Variants in LDB2 observed in about 807,000 individuals in gnomAD.
LDB2 encodes the protein LIM domain binding 2, also known as LIM domain-binding protein 2.
In LDB2, 12 loss-of-function variants were observed where a neutral mutation model predicts 44.3. That is an observed-to-expected ratio of 0.27 (90% confidence interval 0.17 to 0.44). The LOEUF is 0.44. Among genes scored for constraint, LDB2 ranks in the 20% least tolerant of loss-of-function variants. The pLI is 1.00. For synonymous variants in LDB2, 164 were observed against 174.8 expected (o/e 0.94, Z 0.49); for missense variants, 344 against 473.5 (o/e 0.73, Z 2.54).
chr4:16,543,141 A>G (rs1476592855), intron 5 of LDB2, among the ~76,000 whole-genome samples: 1 of 152,010 alleles, frequency 6.6e-6, no homozygotes, highest in Non-Finnish European at 1.5e-5. Context: ...CATGGTGTAT[A>G]TGTGCCACAT....
At chr4:16,541,608 G>C (rs1733806670) in intron 5 of LDB2, among the ~76,000 whole-genome samples, 1 of 152,192 alleles carries the variant, frequency 6.6e-6, no homozygotes, top group Admixed American at 6.5e-5. Flanking sequence ...TCCCAGGTAA[G>C]GGCTGAGCAG....
At chr4:16,780,040 A>T (rs1772828748) in intron 1 of LDB2, among the ~76,000 whole-genome samples, 1 of 152,142 alleles carries the variant, frequency 6.6e-6, no homozygotes, top group African/African-American at 2.4e-5. Flanking sequence ...CATCAAGTAG[A>T]CTTCCCTGTC....
At chr4:16,766,466 ATATGTGTGTGTGTGTGTGTGTGTG>A (rs1769263053) in intron 1 of LDB2, among the ~76,000 whole-genome samples, 2 of 61,202 alleles carry the variant, frequency 3.3e-5, no homozygotes, top group Non-Finnish European at 7.3e-5. Context: ...ACACACACAT[ATATGTGTGTGTGTGTGTGTGTGTG>A]TGTGTGTGTG....
At chr4:16,838,236 C>T (rs1785241238) in intron 1 of LDB2, among the ~76,000 whole-genome samples, 1 of 152,126 alleles carries the variant, frequency 6.6e-6, no homozygotes, top group East Asian at 1.9e-4. Flanking sequence ...AGGTCCTACG[C>T]TAGGAGAGGG....
intron 1 of LDB2, among the ~76,000 whole-genome samples, chr4:16,875,614 A>G (rs996529845): frequency 1.3e-5 from 2 of 152,220 alleles, no homozygotes; most frequent in Non-Finnish European, 2.9e-5. Flanking sequence ...AAGAGTCTCT[A>G]TCTAGAGTTA....
chr4:16,802,299 T>A (rs2109761068), intron 1 of LDB2, among the ~76,000 whole-genome samples: 1 of 152,344 alleles, frequency 6.6e-6, no homozygotes, highest in Admixed American at 6.5e-5. Flanking sequence ...GCTTCTTTGT[T>A]GTTCACCAGC....
intron 1 of LDB2, among the ~76,000 whole-genome samples, chr4:16,862,942 GA>G (rs1713210234): frequency 6.6e-6 from 1 of 152,184 alleles, no homozygotes; most frequent in African/African-American, 2.4e-5. Flanking sequence ...ACGAGGAAAG[GA>G]AAGAGCGTCC....
At chr4:16,799,187 C>T (rs1777307155) in intron 1 of LDB2, among the ~76,000 whole-genome samples, 1 of 152,090 alleles carries the variant, frequency 6.6e-6, no homozygotes, top group Non-Finnish European at 1.5e-5. Flanking sequence ...GCCATCTACG[C>T]AGTTAAGAAA....
At chr4:16,675,323 C>T (rs182824524) in intron 2 of LDB2, among the ~76,000 whole-genome samples, 6 of 152,094 alleles carry the variant, frequency 3.9e-5, no homozygotes, top group East Asian at 1.9e-4. Flanking sequence ...TTATCACATG[C>T]GCACTTATTT....
chr4:16,887,686 A>G (rs992949272), intron 1 of LDB2, among the ~76,000 whole-genome samples: 1 of 150,976 alleles, frequency 6.6e-6, no homozygotes, highest in Admixed American at 6.6e-5. Context: ...CCTAACTCCT[A>G]CCAAAAGGAA....
At chr4:16,618,779 G>A (rs1189720935) in intron 2 of LDB2, among the ~76,000 whole-genome samples, 1 of 152,158 alleles carries the variant, frequency 6.6e-6, no homozygotes, top group African/African-American at 2.4e-5. Context: ...CAAATCTCAT[G>A]TTGAATTGTA....
intron 2 of LDB2, among the ~76,000 whole-genome samples, chr4:16,714,111 T>C (rs1225456854): frequency 2.0e-5 from 3 of 152,204 alleles, no homozygotes; most frequent in African/African-American, 7.2e-5. Context: ...TGGCCTCCTC[T>C]GAGCAGGAAC....
At chr4:16,555,855 C>T (rs537105923) in intron 5 of LDB2, among the ~76,000 whole-genome samples, 154 of 152,316 alleles carry the variant, frequency 1.0e-3, no homozygotes, top group African/African-American at 3.3e-3. Flanking sequence ...CCAACCACTC[C>T]GCCCTCACTC....
chr4:16,849,199 A>T (rs1787695279), intron 1 of LDB2, among the ~76,000 whole-genome samples: 1 of 152,022 alleles, frequency 6.6e-6, no homozygotes, highest in South Asian at 2.1e-4. Flanking sequence ...GTTCTCTCCC[A>T]AGATGCTCAC....
intron 1 of LDB2, chr4:16,888,703 T>G (rs1010405475): frequency 1.0e-6 from 1 of 984,254 alleles, no homozygotes; most frequent in Non-Finnish European, 1.2e-6. Context: ...GAATCCAGAA[T>G]AAGTGTATCG....
At chr4:16,692,693 C>G (rs1421345372) in intron 2 of LDB2, among the ~76,000 whole-genome samples, 1 of 152,082 alleles carries the variant, frequency 6.6e-6, no homozygotes, top group Admixed American at 6.5e-5. Context: ...GCAGGAGAGA[C>G]AGAGCCAGGA....
intron 2 of LDB2, among the ~76,000 whole-genome samples, chr4:16,632,776 G>A (rs1732361447): frequency 1.3e-5 from 2 of 152,052 alleles, no homozygotes; most frequent in South Asian, 4.2e-4. Flanking sequence ...CATTCAAAAA[G>A]TCAGGAAACA....
chr4:16,804,119 A>G (rs1778344525), intron 1 of LDB2, among the ~76,000 whole-genome samples: 1 of 152,200 alleles, frequency 6.6e-6, no homozygotes, highest in South Asian at 2.1e-4. Context: ...TTGAAAAAAC[A>G]GATACTTTTT....
chr4:16,766,464 ATATATG>A (rs1233897256), intron 1 of LDB2, among the ~76,000 whole-genome samples: 7 of 14,798 alleles, frequency 4.7e-4, no homozygotes, highest in Middle Eastern at 0.05. Flanking sequence ...ATACACACAC[ATATATG>A]TGTGTGTGTG....
Sources: gnomAD v4.1 joint callset for allele counts (sites outside exome capture counted in the v4.1 genomes callset) on GRCh38, gnomAD v4.1.1 for gene constraint, MANE v1.5 for transcripts, NCBI Gene and HGNC (gene_info 2026-07-23, HGNC 2026-07-21) for gene names.